Variants in TMEM132D observed in about 807,000 individuals in gnomAD.
TMEM132D encodes the protein mature OL transmembrane protein.
Under a neutral mutation model 62.3 loss-of-function variants are expected in TMEM132D, and 21 were observed. That is an observed-to-expected ratio of 0.34 (90% CI 0.24 to 0.49). The LOEUF is 0.49. Ranked by LOEUF, TMEM132D falls within the 20% of genes least tolerant of loss-of-function variation. TMEM132D has a pLI of 0.99. For missense variants in TMEM132D, 1,346 were observed against 1,402.8 expected, an observed-to-expected ratio of 0.96 and a Z score of 0.65; for synonymous variants, 621 against 575.6, an observed-to-expected ratio of 1.08 and a Z score of -1.13.
chr12:129,746,958 C>G (rs912436330), intron 1 of TMEM132D, among the ~76,000 whole-genome samples: 4 of 152,172 alleles, frequency 2.6e-5, no homozygotes, highest in Non-Finnish European at 5.9e-5. Context: ...CCCACCTGCC[C>G]TGCTACAACT....
chr12:129,527,209 T>G (rs187758704), intron 3 of TMEM132D, among the ~76,000 whole-genome samples: 1 of 152,248 alleles, frequency 6.6e-6, no homozygotes, highest in African/African-American at 2.4e-5. Context: ...CTTGGGTGGC[T>G]GAGGCAGAAG....
intron 1 of TMEM132D, among the ~76,000 whole-genome samples, chr12:129,737,734 A>G (rs1436093242): frequency 6.6e-6 from 1 of 152,252 alleles, no homozygotes; most frequent in Non-Finnish European, 1.5e-5. Flanking sequence ...TGTCTGCTAT[A>G]AACAAAATAT....
Position 129,073,967 on chromosome 12 carries a change from C to T in TMEM132D, c.3208G>A (p.Glu1070Lys), listed in dbSNP as rs749663236. 2.9e-5 allele frequency: 46 copies of T among 1,613,102 alleles called. No homozygotes were observed. In the East Asian group the frequency reaches 4.7e-4, roughly 16 times the overall value. The part of the protein sequence containing the change: ...PTRNSIVMSS[E>K]DDIKWVCQDL... ...TGGCAGACCCACTTAATGTCATCCT[C>T]GCTACTCATCACGATGGAGTTCCTG... The change falls in exon 9 of 9, where the codon GAG becomes AAG. Residue 1070 changes from glutamate (E) to lysine (K), a missense_variant. Glu to Lys is a moderately conservative substitution (Grantham distance 56, BLOSUM62 1). Transcript: ENST00000422113.
intron 3 of TMEM132D, among the ~76,000 whole-genome samples, chr12:129,377,424 A>G (rs1433559902): frequency 6.6e-6 from 1 of 152,208 alleles, no homozygotes; most frequent in Non-Finnish European, 1.5e-5. Context: ...ATGGGGTGTG[A>G]GTCAAGGGGA....
intron 3 of TMEM132D, among the ~76,000 whole-genome samples, chr12:129,492,482 G>T (rs915383418): frequency 6.6e-6 from 1 of 152,048 alleles, no homozygotes; most frequent in Non-Finnish European, 1.5e-5. Context: ...CATGACAATT[G>T]GTGCACAAAA....
At chr12:129,328,968 A>G (rs1350950322) in intron 4 of TMEM132D, among the ~76,000 whole-genome samples, 1 of 149,202 alleles carries the variant, frequency 6.7e-6, no homozygotes. Flanking sequence ...AATTCTTTAT[A>G]TATATAAAGA....
intron 1 of TMEM132D, among the ~76,000 whole-genome samples, chr12:129,835,060 A>C (rs1872961606): frequency 1.3e-5 from 2 of 152,208 alleles, no homozygotes; most frequent in African/African-American, 2.4e-5. Flanking sequence ...ACACATGCCC[A>C]CATGGCCATC....
rs142600128 is a variant in TMEM132D, at chr12:129,872,723, G to A, written c.79+30538C>T. Among the ~76,000 whole-genome samples the A allele has an allele frequency of 2.1e-3, 323 of 152,240 alleles. 1 individual carries two copies. Among genetic ancestry groups the A allele is most frequent in the African/African-American group, 7.1e-3 (293 of 41,546 alleles). On this transcript the variant is annotated intron_variant, in intron 1 of 8. Coordinates refer to ENST00000422113, the MANE Select transcript of TMEM132D (RefSeq NM_133448.3). ...TTTTCAAGTACCTTTGTAATGTACC[G>A]ACGTAAGCTCCAAGGTTCTGGGTTA...
At position 129,407,791 on chromosome 12, in the gene TMEM132D, A is replaced by G. The variant is rs952106373; in HGVS notation, c.1116-69974T>C. On this transcript the variant is annotated intron_variant, in intron 3 of 8. Coordinates refer to ENST00000422113, the MANE Select transcript of TMEM132D (RefSeq NM_133448.3). ...GTGGCGGGTGCCTGTAGTCCCAGCT[A>G]CTCGGGAGGCTGAGGCAGGAGAATG... Among the ~76,000 whole-genome samples the G allele has an allele frequency of 2.7e-5, 4 of 150,666 alleles. No homozygotes were observed. The East Asian group carries it at 5.9e-4, about 22-fold the overall frequency.
chr12:129,439,143 A>G (rs1036238549), intron 3 of TMEM132D, among the ~76,000 whole-genome samples: 19 of 152,190 alleles, frequency 1.2e-4, no homozygotes, highest in African/African-American at 4.3e-4. Context: ...GTGAAGGAGC[A>G]TTTGGGACAT....
At chr12:129,099,694 T>C (rs931064568) in intron 5 of TMEM132D, among the ~76,000 whole-genome samples, 11 of 152,256 alleles carry the variant, frequency 7.2e-5, no homozygotes, top group African/African-American at 2.2e-4. Flanking sequence ...TCTCAGCAGA[T>C]GCAGGTCAAG....
In TMEM132D at chr12:129,141,324, G is replaced by C. The variant is rs150394148; in HGVS notation, c.1444-56622C>G. ...ACTTTGGGGACACAATTGTGAATTA[G>C]ACCATGTGTCTAATGCTGTGGCTGT... is the stretch of plus-strand genomic sequence containing the variant. On this transcript the variant is annotated intron_variant, in intron 5 of 8. Transcript: ENST00000422113. Among the ~76,000 whole-genome samples, 275 of 152,272 alleles carry C rather than the reference G, an allele frequency of 1.8e-3. 3 individuals are homozygous for C. The highest frequency in any genetic ancestry group is 5.9e-3 in the African/African-American group (246 of 41,546).
chr12:129,473,340 T>TTTC (rs1874158530), intron 3 of TMEM132D, among the ~76,000 whole-genome samples: 1 of 142,506 alleles, frequency 7.0e-6, no homozygotes, highest in Non-Finnish European at 1.5e-5. Flanking sequence ...TTTTTTTTTT[T>TTTC]TTTTTTGAGA....
chr12:129,576,967 A>G (rs1001115284), intron 2 of TMEM132D, among the ~76,000 whole-genome samples: 1 of 151,846 alleles, frequency 6.6e-6, no homozygotes, highest in Non-Finnish European at 1.5e-5. Flanking sequence ...AGTGGCAACC[A>G]TGGCTGCAGA....
chr12:129,485,199 C>T (rs540243211), intron 3 of TMEM132D, among the ~76,000 whole-genome samples: 4 of 152,284 alleles, frequency 2.6e-5, no homozygotes, highest in Admixed American at 6.5e-5. Context: ...CTCAGTCCCA[C>T]GGGGAAACCC....
At chr12:129,389,698 A>G (rs907013052) in intron 3 of TMEM132D, among the ~76,000 whole-genome samples, 3 of 152,238 alleles carry the variant, frequency 2.0e-5, no homozygotes, top group Non-Finnish European at 4.4e-5. Flanking sequence ...TATAAATAAT[A>G]ACAGCTAACA....
intron 6 of TMEM132D, among the ~76,000 whole-genome samples, chr12:129,083,593 C>A (rs1293378950): frequency 1.3e-5 from 2 of 152,162 alleles, no homozygotes; most frequent in East Asian, 3.9e-4. Flanking sequence ...TGAAGCATCC[C>A]CTCTCCCAGG....
At chr12:129,412,602 A>C (rs1322094770) in intron 3 of TMEM132D, among the ~76,000 whole-genome samples, 1 of 152,118 alleles carries the variant, frequency 6.6e-6, no homozygotes, top group East Asian at 1.9e-4. Context: ...CACACCTGTA[A>C]TCTCAGCACT....
intron 3 of TMEM132D, among the ~76,000 whole-genome samples, chr12:129,496,405 G>A (rs1659449539): frequency 6.6e-6 from 1 of 152,122 alleles, no homozygotes; most frequent in Non-Finnish European, 1.5e-5. Context: ...CTGGCTTGGT[G>A]AAGAAAGAAA....
Sources: allele counts gnomAD v4.1 joint callset (sites outside exome capture counted in the v4.1 genomes callset), GRCh38; gene constraint gnomAD v4.1.1; transcripts MANE v1.5; gene names NCBI Gene and HGNC (gene_info 2026-07-23, HGNC 2026-07-21).